The following GIT2 variants were observed in gnomAD, a reference collection of about 807,000 sequenced individuals.
GIT2 encodes ARF GTPase-activating protein GIT2.
In GIT2, 32 loss-of-function variants were observed where a neutral mutation model predicts 100.3. That is an observed-to-expected ratio of 0.32 (90% confidence interval 0.24 to 0.43). The LOEUF (loss-of-function observed/expected upper bound fraction) is 0.43. GIT2 is among the 20% of genes least tolerant of loss of function. GIT2 has a pLI of 1.00. For synonymous variants in GIT2, 353 were observed against 364.1 expected (o/e 0.97, Z 0.35); for missense variants, 737 against 975.1 (o/e 0.76, Z 3.25).
intron 8 of GIT2, among the ~76,000 whole-genome samples, chr12:109,966,632 C>T (rs1307905549): frequency 6.6e-6 from 1 of 150,580 alleles, no homozygotes; most frequent in Non-Finnish European, 1.5e-5. Flanking sequence ...GGTAACAGAG[C>T]AAGACCCTGT....
intron 7 of GIT2, among the ~76,000 whole-genome samples, chr12:109,980,373 CTTTATTTA>C (rs376418698): frequency 2.6e-5 from 4 of 151,862 alleles, no homozygotes; most frequent in African/African-American, 9.7e-5. Flanking sequence ...CCGGCAGAAG[CTTTATTTA>C]TTTATTTATT....
chr12:109,939,287 G>C, intron 16 of GIT2, 40 bp from the exon 17 acceptor site: 1 of 1,138,766 alleles, frequency 8.8e-7, no homozygotes, highest in Non-Finnish European at 1.3e-6. Flanking sequence ...TTTGTAACAT[G>C]AGACTCTTCT....
rs115176990 is a variant in GIT2 at position 109,980,726 on chromosome 12, T to A, written c.718+226A>T. Among the ~76,000 whole-genome samples the A allele has an allele frequency of 4.6e-3, 708 of 152,338 alleles. 6 individuals carry two copies. Among genetic ancestry groups the A allele is most frequent in the African/African-American group, 0.016 (675 of 41,578 alleles). On this transcript the variant is annotated intron_variant, in intron 7 of 19. Transcript: ENST00000355312. The stretch of plus-strand genomic sequence containing the variant: ...TCAGTCTGATTCTTGAAATAGTCAT[T>A]TCTCTAGAGCTATTAAAAATGAAAA...
chr12:109,952,847 CACTCAGTAAACACT>C, intron 13 of GIT2: 1 of 563,790 alleles, frequency 1.8e-6, no homozygotes, highest in Middle Eastern at 4.4e-4. Context: ...CCAGAGAAGT[CACTCAGTAAACACT>C]TGTTGAATGA....
intron 4 of GIT2, among the ~76,000 whole-genome samples, chr12:109,984,493 C>T (rs936920311): frequency 6.6e-6 from 1 of 151,876 alleles, no homozygotes. Flanking sequence ...GTCATCCAGG[C>T]TGGAGTGCAG....
At position 109,930,903 on chromosome 12, in the gene GIT2, T is replaced by G. The variant is rs932112773; in HGVS notation, c.*2075A>C. On this transcript the variant is annotated 3_prime_UTR_variant, in exon 20 of 20. Coordinates refer to ENST00000355312, the MANE Select transcript of GIT2 (RefSeq NM_057169.5). ...GCAGAAAAGGCTATCAGATGGCGCCTGAACTTAAGGTGGGAGGCCCCCTTC... is the reference window on the plus strand; with the variant it reads ...GCAGAAAAGGCTATCAGATGGCGCCGGAACTTAAGGTGGGAGGCCCCCTTC... 3 of 152,132 alleles carry G rather than the reference T, an allele frequency of 2.0e-5. No homozygotes were observed. Among genetic ancestry groups the G allele is most frequent in the African/African-American group, 7.2e-5 (3 of 41,400 alleles). The allele number at this position is 152,132 out of a possible 1,614,324, so 9.4% of individuals were successfully genotyped here.
intron 1 of GIT2, among the ~76,000 whole-genome samples, chr12:109,994,933 A>G (rs148778241): frequency 6.6e-6 from 1 of 152,218 alleles, no homozygotes; most frequent in Non-Finnish European, 1.5e-5. Flanking sequence ...CTATCTTCAA[A>G]GGAAACTGGT....
chr12:109,956,307 G>T (rs1456429005), intron 12 of GIT2, among the ~76,000 whole-genome samples: 2 of 152,088 alleles, frequency 1.3e-5, no homozygotes, highest in Non-Finnish European at 2.9e-5. Flanking sequence ...TCAATCTCCT[G>T]GGCACTCAAT....
intron 7 of GIT2, 173 bp downstream of exon 7, chr12:109,980,779 T>A (rs969202186): frequency 6.5e-6 from 4 of 610,738 alleles, no homozygotes; most frequent in East Asian, 5.2e-5. Context: ...CAACTTTATA[T>A]CTTTTACATG....
intron 16 of GIT2, among the ~76,000 whole-genome samples, chr12:109,941,357 CTTGTT>C (rs1323292085): frequency 6.6e-6 from 1 of 152,070 alleles, no homozygotes; most frequent in Non-Finnish European, 1.5e-5. Context: ...CTCTTGCTGC[CTTGTT>C]TTGATCTGGC....
Position 109,968,885 on chromosome 12 carries a change from C to G in GIT2, c.719-1382G>C, listed in dbSNP as rs181246012. Among the ~76,000 whole-genome samples, 268 of 152,108 alleles carry G rather than the reference C, an allele frequency of 1.8e-3. 1 individual carries two copies. The highest frequency in any genetic ancestry group is 3.2e-3 in the Non-Finnish European group (219 of 68,002). On this transcript the variant is annotated intron_variant, in intron 7 of 19. Coordinates refer to ENST00000355312, the MANE Select transcript of GIT2 (RefSeq NM_057169.5). ...TACAGGCGTGCACTGCTACACCCGGCTAATTTTTTTATATTTTTAGTAGAA... is the reference window on the plus strand; with the variant it reads ...TACAGGCGTGCACTGCTACACCCGGGTAATTTTTTTATATTTTTAGTAGAA...
intron 18 of GIT2, among the ~76,000 whole-genome samples, chr12:109,937,945 C>T (rs1222026628): frequency 2.0e-5 from 3 of 152,108 alleles, no homozygotes; most frequent in Admixed American, 1.3e-4. Flanking sequence ...TCAGGTGATC[C>T]ACCTGCTTCG....
chr12:109,932,854 T>G lies in GIT2; in HGVS notation c.*124A>C. 1.5e-6 allele frequency: 1 copy of G among 653,076 alleles called. No individual in the cohort carries two copies. Among genetic ancestry groups the G allele is most frequent in the South Asian group, 1.9e-5 (1 of 52,436 alleles). The allele number at this position is 653,076 out of a possible 1,614,324, so 40.5% of individuals were successfully genotyped here. On this transcript the variant is annotated 3_prime_UTR_variant, in exon 20 of 20. Transcript: ENST00000355312. ...CATGCAAAAATAATACTGAGTTTTCTTTTAAAAAGTTTTAAACCGTCATTA... is the reference window on the plus strand; with the variant it reads ...CATGCAAAAATAATACTGAGTTTTCGTTTAAAAAGTTTTAAACCGTCATTA...
intron 4 of GIT2, among the ~76,000 whole-genome samples, chr12:109,986,388 T>A: frequency 6.6e-6 from 1 of 152,118 alleles, no homozygotes; most frequent in East Asian, 1.9e-4. Context: ...TCCCGGCACT[T>A]TGGGAAGCTG....
intron 12 of GIT2, among the ~76,000 whole-genome samples, chr12:109,954,845 G>A (rs1434638356): frequency 6.6e-6 from 1 of 150,808 alleles, no homozygotes; most frequent in Admixed American, 6.6e-5. Flanking sequence ...GTTGCAGTGA[G>A]CCAAGACTAT....
At chr12:109,988,858 A>G in intron 4 of GIT2, 105 bp downstream of exon 4, 1 of 563,782 alleles carries the variant, frequency 1.8e-6, no homozygotes, top group Non-Finnish European at 3.1e-6. Flanking sequence ...CAAAAAAAAA[A>G]AAAAAAAAAA....
At position 109,947,536 on chromosome 12, in the gene GIT2, T is replaced by C. The variant is rs988906992; in HGVS notation, c.1393-32A>G. The C allele has an allele frequency of 8.1e-6, 13 of 1,596,392 alleles. No homozygotes were observed. Among genetic ancestry groups the C allele is most frequent in the Admixed American group, 1.7e-5 (1 of 57,516 alleles). The stretch of plus-strand genomic sequence containing the variant: ...GAAATGTTTGGCAGTGGGACTGTGT[T>C]TTTTTACAGCAAGCAGAAAAAGCAA... On this transcript the variant is annotated intron_variant, in intron 14 of 19. Coordinates refer to ENST00000355312, the MANE Select transcript of GIT2 (RefSeq NM_057169.5). The surrounding 1 kb of genome is among the most constrained non-coding windows in gnomAD (Gnocchi z 4.3).
chr12:109,978,076 G>GTTTTTTTTTTTTTTTTT (rs111855474), intron 7 of GIT2, among the ~76,000 whole-genome samples: 2 of 93,498 alleles, frequency 2.1e-5, no homozygotes, highest in African/African-American at 4.1e-5. Flanking sequence ...AAATTTAGAG[G>GTTTTTTTTTTTTTTTTT]TTTTTTTTTT....
At chr12:109,939,046 T>TA in intron 17 of GIT2, 119 bp downstream of exon 17, 1 of 684,812 alleles carries the variant, frequency 1.5e-6, no homozygotes, top group Non-Finnish European at 2.7e-6. Flanking sequence ...TTTAAGACTT[T>TA]ATGAGTCTGA....
Sources: allele counts gnomAD v4.1 joint callset (sites outside exome capture counted in the v4.1 genomes callset), GRCh38; gene constraint gnomAD v4.1.1; non-coding constraint Gnocchi (gnomAD v3.1); transcripts MANE v1.5; gene names NCBI Gene and HGNC (gene_info 2026-07-23, HGNC 2026-07-21).